Variants in CHLSN observed in about 807,000 individuals in gnomAD.
The protein encoded by CHLSN is cholesin.
At chr7:1,017,065 A>G in the CHLSN span, among the ~76,000 whole-genome samples, 1 of 152,136 alleles carries the variant, frequency 6.6e-6, no homozygotes, top group South Asian at 2.1e-4. Flanking sequence ...CATGTCATTG[A>G]GGGTGTGGGG....
the CHLSN span, among the ~76,000 whole-genome samples, chr7:1,110,986 G>A: frequency 1.3e-5 from 2 of 152,170 alleles, no homozygotes; most frequent in African/African-American, 4.8e-5. Context: ...CCGAGGCAGA[G>A]AACTGCTTGA....
At chr7:1,025,050 GC>G in the CHLSN span, 1 of 152,236 alleles carries the variant, frequency 6.6e-6, no homozygotes, top group Non-Finnish European at 1.5e-5. Context: ...CGGCAAATGC[GC>G]CCCCTTCGCC....
At chr7:1,075,589 C>T in the CHLSN span, among the ~76,000 whole-genome samples, 8 of 147,414 alleles carry the variant, frequency 5.4e-5, no homozygotes, top group African/African-American at 1.7e-4. Flanking sequence ...TGACCAAGGC[C>T]GCACAACAAA....
chr7:1,116,484 G>C, the CHLSN span, among the ~76,000 whole-genome samples: 2 of 102,008 alleles, frequency 2.0e-5, no homozygotes, highest in African/African-American at 5.2e-5. Flanking sequence ...TCTAGGACCA[G>C]CTTCCATCAC....
the CHLSN span, among the ~76,000 whole-genome samples, chr7:1,124,996 G>A: frequency 1.3e-5 from 2 of 152,220 alleles, no homozygotes; most frequent in South Asian, 4.1e-4. Context: ...TCGCCCGGGG[G>A]GTGGCAGTGA....
At chr7:1,076,645 A>T in the CHLSN span, among the ~76,000 whole-genome samples, 1 of 152,272 alleles carries the variant, frequency 6.6e-6, no homozygotes, top group African/African-American at 2.4e-5. Context: ...GCCCTGGGAA[A>T]AGCCGCAGAG....
the CHLSN span, among the ~76,000 whole-genome samples, chr7:1,031,799 G>A: frequency 1.0e-5 from 1 of 95,338 alleles, no homozygotes; most frequent in African/African-American, 4.7e-5. Flanking sequence ...AGAGTGGTCC[G>A]GGGCGGCAGA....
At chr7:1,011,898 A>C in the CHLSN span, among the ~76,000 whole-genome samples, 1 of 152,190 alleles carries the variant, frequency 6.6e-6, no homozygotes, top group Non-Finnish European at 1.5e-5. Flanking sequence ...TGGGCCGCCC[A>C]CACACACAGG....
At chr7:987,654 G>A in the CHLSN span, 3 of 944,746 alleles carry the variant, frequency 3.2e-6, no homozygotes, top group Non-Finnish European at 4.6e-6. Flanking sequence ...CCCGACCGGA[G>A]GCAATAAAGG....
At chr7:1,132,710 A>AG in the CHLSN span, among the ~76,000 whole-genome samples, 1 of 149,046 alleles carries the variant, frequency 6.7e-6, no homozygotes, top group South Asian at 2.1e-4. Flanking sequence ...AAAAAAAAAA[A>AG]AAAAAAGACA....
chr7:1,095,630 C>T, the CHLSN span, among the ~76,000 whole-genome samples: 7 of 152,256 alleles, frequency 4.6e-5, no homozygotes, highest in Non-Finnish European at 1.5e-5. Flanking sequence ...GAGACCCACA[C>T]GGAACGTGGT....
chr7:997,866 G>A, the CHLSN span: 1 of 1,459,268 alleles, frequency 6.9e-7, no homozygotes, highest in Admixed American at 2.1e-5. Context: ...TGAACAGCAG[G>A]AGACAAGACG....
chr7:1,028,238 C>T, the CHLSN span: 15 of 1,090,784 alleles, frequency 1.4e-5, no homozygotes, highest in Admixed American at 4.6e-5. Context: ...CGAATGCGGG[C>T]CCTGGCCCCG....
the CHLSN span, among the ~76,000 whole-genome samples, chr7:999,566 C>G: frequency 2.0e-5 from 3 of 152,022 alleles, no homozygotes; most frequent in African/African-American, 7.2e-5. Context: ...GGCCCTGTCT[C>G]AAAAAACGCC....
chr7:1,046,247 G>GA, the CHLSN span, among the ~76,000 whole-genome samples: 1 of 152,178 alleles, frequency 6.6e-6, no homozygotes, highest in African/African-American at 2.4e-5. Flanking sequence ...CTGGAATCCT[G>GA]AAAAAATAAC....
At chr7:996,072 A>G in the CHLSN span, among the ~76,000 whole-genome samples, 27 of 152,254 alleles carry the variant, frequency 1.8e-4, no homozygotes, top group East Asian at 4.6e-3. Flanking sequence ...GGGTGTCTTC[A>G]GGGAGCTAAG....
chr7:985,171 C>T, the CHLSN span: 1 of 1,580,670 alleles, frequency 6.3e-7, no homozygotes, highest in Non-Finnish European at 8.6e-7. Context: ...CGCAGGCCGG[C>T]CCTTCCCGCT....
At chr7:1,103,155 G>C in the CHLSN span, among the ~76,000 whole-genome samples, 1 of 152,182 alleles carries the variant, frequency 6.6e-6, no homozygotes, top group South Asian at 2.1e-4. Context: ...ACACATAAAC[G>C]GTGTGGAACA....
the CHLSN span, among the ~76,000 whole-genome samples, chr7:1,097,131 C>T: frequency 2.0e-5 from 3 of 152,208 alleles, no homozygotes; most frequent in Non-Finnish European, 4.4e-5. The surrounding 1 kb of genome is among the most constrained non-coding windows in gnomAD (Gnocchi z 4.3). Flanking sequence ...ACACAGACTA[C>T]GCGAGTACGT....
Sources: allele counts gnomAD v4.1 joint callset (sites outside exome capture counted in the v4.1 genomes callset), GRCh38; gene constraint gnomAD v4.1.1; non-coding constraint Gnocchi (gnomAD v3.1); transcripts MANE v1.5; gene names NCBI Gene and HGNC (gene_info 2026-07-23, HGNC 2026-07-21).